The following AXDND1 variants were observed in gnomAD, a reference collection of about 807,000 sequenced individuals.
The protein encoded by AXDND1 is axonemal dynein light chain domain containing 1.
AXDND1 carries 110 observed loss-of-function variants against 137.5 expected under a neutral mutation model. The ratio of observed to expected loss-of-function variants is 0.80; its 90% CI spans 0.69 to 0.94. The LOEUF (loss-of-function observed/expected upper bound fraction) is 0.94, where lower values mean the gene tolerates loss of function less well. Ranked by LOEUF, AXDND1 falls within the 40% of genes least tolerant of loss-of-function variation. AXDND1 has a pLI of 0.00. For missense variants in AXDND1, 1,191 were observed against 1,169.8 expected (o/e 1.02, Z -0.26); for synonymous variants, 414 against 399.7 (o/e 1.04, Z -0.43).
In AXDND1 at chr1:179,430,616, C is replaced by T; in HGVS notation, c.1487+10C>T. On this transcript the variant is annotated intron_variant, in intron 14 of 25. Coordinates refer to ENST00000367618, the MANE Select transcript of AXDND1 (RefSeq NM_144696.6). Reference sequence around the variant, plus strand: ...GGCAGGAGTTCTTCAAGTGAGTCACCAAGAATCTTGTTTTTCTGATTATAC... The same window carrying T: ...GGCAGGAGTTCTTCAAGTGAGTCACTAAGAATCTTGTTTTTCTGATTATAC... 1.9e-6 allele frequency: 3 copies of T among 1,601,312 alleles called. No homozygotes were observed.
chr1:179,463,764 G>C (rs923743794), intron 16 of AXDND1, among the ~76,000 whole-genome samples: 4 of 152,128 alleles, frequency 2.6e-5, no homozygotes, highest in African/African-American at 9.7e-5. Context: ...AAGTCTCTTT[G>C]TAGGTCTCTA....
Position 179,479,480 on chromosome 1 carries a change from A to AAAG in AXDND1, c.1998-3646_1998-3645insGAA, listed in dbSNP as rs1354320201. ...ACAAGAGCGAAACTCTGTCTCAAAA[A>AAAG]AAAAAAAAGGAAAAAGGCTGGGTGT... is the stretch of plus-strand genomic sequence containing the variant. On this transcript the variant is annotated intron_variant, in intron 17 of 25. Coordinates refer to ENST00000367618, the MANE Select transcript of AXDND1 (RefSeq NM_144696.6). Among the ~76,000 whole-genome samples, 2 of 150,696 alleles carry AAAG rather than the reference A, an allele frequency of 1.3e-5. 1 individual carries two copies. The highest frequency in any genetic ancestry group is 4.9e-5 in the African/African-American group (2 of 40,944).
chr1:179,512,834 G>A (rs1185504979), intron 21 of AXDND1, among the ~76,000 whole-genome samples: 1 of 152,078 alleles, frequency 6.6e-6, no homozygotes, highest in Non-Finnish European at 1.5e-5. Context: ...GTTGTAAAGG[G>A]GTTGAGTTCT....
At position 179,536,164 on chromosome 1, in the gene AXDND1, C is replaced by T. The variant is rs141470482; in HGVS notation, c.3031+1202C>T. Among the ~76,000 whole-genome samples, 22 of 152,138 alleles carry T rather than the reference C, an allele frequency of 1.4e-4. No individual in the cohort carries two copies. In the East Asian group the frequency reaches 4.3e-3, roughly 29 times the overall value. On this transcript the variant is annotated intron_variant, in intron 25 of 25. Coordinates refer to ENST00000367618, the MANE Select transcript of AXDND1 (RefSeq NM_144696.6). ...TAGATTGCAAAAATTTTCTCCCAAT[C>T]TGTTTAGTCTGCTGATAGTTTCTTT...
chr1:179,534,104 G>A (rs1671288365), intron 24 of AXDND1, among the ~76,000 whole-genome samples: 1 of 152,218 alleles, frequency 6.6e-6, no homozygotes, highest in Non-Finnish European at 1.5e-5. Flanking sequence ...AACTATTTGT[G>A]TGTGTTGGAG....
intron 11 of AXDND1, among the ~76,000 whole-genome samples, chr1:179,402,174 A>C (rs1652193386): frequency 6.6e-6 from 1 of 151,982 alleles, no homozygotes; most frequent in African/African-American, 2.4e-5. Flanking sequence ...CAAAAAAAAA[A>C]AAAAAAAATC....
chr1:179,551,383 G>C, intron 25 of AXDND1: 3 of 1,614,094 alleles, frequency 1.9e-6, no homozygotes, highest in Non-Finnish European at 2.5e-6. Context: ...CAGCAGGGGT[G>C]CCTGACAGAA....
rs1269128533 is a variant in AXDND1, at chr1:179,456,175, T to A, written c.1798+10971T>A. On this transcript the variant is annotated intron_variant, in intron 16 of 25. Transcript: ENST00000367618. ...CACAAATCTGTTGTAACCTGTAGCT[T>A]CCCTGTCACTTCTCTGGATCTCCTC... 7.2e-6 allele frequency: 5 copies of A among 691,442 alleles called. No homozygotes were observed. The African/African-American group carries it at 8.8e-5, about 12-fold the overall frequency. The allele number at this position is 691,442 out of a possible 1,614,324, so 42.8% of individuals were successfully genotyped here. A position where few individuals can be genotyped will look rare whatever the true frequency, so the allele number is the denominator to read the frequency against.
chr1:179,509,466 T>C (rs1310724074), intron 21 of AXDND1, 63 bp downstream of exon 21: 3 of 1,060,024 alleles, frequency 2.8e-6, no homozygotes, highest in East Asian at 5.0e-5. Flanking sequence ...GTACAGAAGG[T>C]TCACAGCTTT....
intron 16 of AXDND1, chr1:179,456,419 T>C: frequency 1.3e-6 from 1 of 773,874 alleles, no homozygotes; most frequent in East Asian, 2.4e-5. Context: ...TTCCACTACC[T>C]CCAAAACTGC....
At chr1:179,435,405 C>T (rs12564310) in intron 15 of AXDND1, among the ~76,000 whole-genome samples, 47,813 of 151,958 alleles carry the variant, frequency 0.31, 8,010 homozygotes, top group Middle Eastern at 0.43. Flanking sequence ...AGAAAAAGAA[C>T]AAAGCTGGAG....
Position 179,459,501 on chromosome 1 carries a change from A to G in AXDND1, c.1799-8942A>G, listed in dbSNP as rs189676708. Among the ~76,000 whole-genome samples, 213 of 152,234 alleles carry G rather than the reference A, an allele frequency of 1.4e-3. 1 individual carries two copies. The highest frequency in any genetic ancestry group is 4.8e-3 in the African/African-American group (201 of 41,568). ...TGAGTCTATGGCCAAAGAATAACTG[A>G]TCTTTCCCTTTTGTGAATTTGTAGA... On this transcript the variant is annotated intron_variant, in intron 16 of 25. Transcript: ENST00000367618.
At chr1:179,428,141 A>C (rs906310903) in intron 12 of AXDND1, among the ~76,000 whole-genome samples, 1 of 152,208 alleles carries the variant, frequency 6.6e-6, no homozygotes, top group Admixed American at 6.5e-5. Flanking sequence ...TTCCATTCTG[A>C]TGCAGAATTT....
intron 9 of AXDND1, among the ~76,000 whole-genome samples, chr1:179,386,047 T>C (rs1649151543): frequency 6.9e-6 from 1 of 145,726 alleles, no homozygotes; most frequent in Admixed American, 7.1e-5. Flanking sequence ...TTAGGATTTT[T>C]TCCTTTTTTT....
intron 21 of AXDND1, among the ~76,000 whole-genome samples, chr1:179,509,781 A>G (rs1336200925): frequency 3.3e-5 from 5 of 151,920 alleles, no homozygotes; most frequent in South Asian, 4.2e-4. Flanking sequence ...CCCATGTCCA[A>G]TGTCTTCTCT....
chr1:179,463,500 C>A (rs1662667380), intron 16 of AXDND1, among the ~76,000 whole-genome samples: 1 of 152,172 alleles, frequency 6.6e-6, no homozygotes. Flanking sequence ...GTTATAATTT[C>A]TATTCTTTTT....
intron 12 of AXDND1, among the ~76,000 whole-genome samples, chr1:179,425,165 A>G (rs1656368142): frequency 2.6e-5 from 4 of 152,108 alleles, no homozygotes; most frequent in Admixed American, 2.0e-4. Context: ...GGCTTGTTTT[A>G]TGTTTGATTG....
intron 16 of AXDND1, among the ~76,000 whole-genome samples, chr1:179,447,148 C>G (rs943583399): frequency 6.6e-6 from 1 of 152,110 alleles, no homozygotes; most frequent in Admixed American, 6.6e-5. Context: ...CTATTGAATA[C>G]AGGGGTATAT....
intron 25 of AXDND1, among the ~76,000 whole-genome samples, chr1:179,546,453 G>C (rs545427262): frequency 2.6e-5 from 4 of 152,128 alleles, no homozygotes; most frequent in African/African-American, 9.7e-5. Context: ...CACCTTCTCA[G>C]GGTGTCCCTG....
Sources: gnomAD v4.1 joint callset for allele counts (sites outside exome capture counted in the v4.1 genomes callset) on GRCh38, gnomAD v4.1.1 for gene constraint, MANE v1.5 for transcripts, NCBI Gene and HGNC (gene_info 2026-07-23, HGNC 2026-07-21) for gene names.